PLPPR5: variants seen among roughly 807,000 people sequenced by gnomAD.
The protein encoded by PLPPR5 is phospholipid phosphatase-related protein type 5.
In PLPPR5, 16 loss-of-function variants were observed where a neutral mutation model predicts 33.9. The ratio of observed to expected loss-of-function variants is 0.47; its 90% CI spans 0.32 to 0.72. PLPPR5 has a LOEUF of 0.72. Ranked by LOEUF, PLPPR5 falls within the 30% of genes least tolerant of loss-of-function variation. PLPPR5 has a pLI of 0.03. For synonymous variants in PLPPR5, 163 were observed against 150.3 expected, an observed-to-expected ratio of 1.08 and a Z score of -0.62; for missense variants, 301 against 406.7, an observed-to-expected ratio of 0.74 and a Z score of 2.23.
chr1:98,962,504 C>T (rs1176125513), intron 1 of PLPPR5, among the ~76,000 whole-genome samples: 1 of 152,188 alleles, frequency 6.6e-6, no homozygotes, highest in East Asian at 1.9e-4. Flanking sequence ...ATCACTACCT[C>T]CATTTTAAAA....
At chr1:98,975,182 T>A (rs1651804049) in intron 1 of PLPPR5, among the ~76,000 whole-genome samples, 1 of 152,060 alleles carries the variant, frequency 6.6e-6, no homozygotes, top group South Asian at 2.1e-4. Flanking sequence ...ACTGCGTCCG[T>A]GCCTCAAATG....
intron 5 of PLPPR5, among the ~76,000 whole-genome samples, chr1:98,909,378 G>T (rs1251590179): frequency 2.0e-5 from 3 of 149,938 alleles, no homozygotes; most frequent in Non-Finnish European, 1.5e-5. Context: ...TACTACTAAA[G>T]AAAAATAGAT....
chr1:98,921,810 A>G, intron 4 of PLPPR5, 72 bp downstream of exon 4: 1 of 1,249,850 alleles, frequency 8.0e-7, no homozygotes, highest in Non-Finnish European at 1.1e-6. Context: ...AGTGATTCAC[A>G]CTTGTATTTT....
intron 1 of PLPPR5, among the ~76,000 whole-genome samples, chr1:98,967,464 A>T (rs990847694): frequency 2.6e-5 from 4 of 152,142 alleles, no homozygotes; most frequent in African/African-American, 9.7e-5. Context: ...TGAAGAAGGG[A>T]TGAGATTAGG....
At chr1:98,999,593 C>T (rs772170712) in intron 1 of PLPPR5, among the ~76,000 whole-genome samples, 2 of 152,204 alleles carry the variant, frequency 1.3e-5, no homozygotes, top group Non-Finnish European at 2.9e-5. Context: ...CATGTCTGTG[C>T]TTTTTCTCCT....
At chr1:98,947,518 T>TTATATTA (rs1319068162) in intron 3 of PLPPR5, among the ~76,000 whole-genome samples, 3 of 152,258 alleles carry the variant, frequency 2.0e-5, no homozygotes, top group Non-Finnish European at 4.4e-5. Context: ...AACAGCATTA[T>TTATATTA]TATATTTTAT....
At chr1:98,989,749 G>GT (rs1214311853) in intron 1 of PLPPR5, among the ~76,000 whole-genome samples, 2 of 152,132 alleles carry the variant, frequency 1.3e-5, no homozygotes, top group African/African-American at 4.8e-5. Flanking sequence ...TGATAAGGAA[G>GT]TCCACTCTGC....
intron 1 of PLPPR5, among the ~76,000 whole-genome samples, chr1:99,002,580 C>T (rs1040841820): frequency 6.6e-6 from 1 of 152,020 alleles, no homozygotes; most frequent in East Asian, 1.9e-4. Context: ...TATGACTATT[C>T]GGTACCCAAA....
intron 1 of PLPPR5, 123 bp from the exon 2 acceptor site, chr1:98,956,864 G>T: frequency 1.4e-6 from 1 of 719,084 alleles, no homozygotes; most frequent in Non-Finnish European, 2.1e-6. Context: ...GTAAAACAGA[G>T]CCATAATCGA....
At chr1:98,981,172 G>A (rs1652050898) in intron 1 of PLPPR5, among the ~76,000 whole-genome samples, 1 of 151,996 alleles carries the variant, frequency 6.6e-6, no homozygotes, top group Non-Finnish European at 1.5e-5. Flanking sequence ...TGCGAGAGAG[G>A]TAGATTTAGA....
At chr1:98,909,280 C>T (rs1649032649) in intron 5 of PLPPR5, among the ~76,000 whole-genome samples, 1 of 138,976 alleles carries the variant, frequency 7.2e-6, no homozygotes, top group South Asian at 2.5e-4. Context: ...CTTCCCCTCC[C>T]TTCCCCGCCT....
At chr1:98,908,505 G>A (rs1459186157) in intron 5 of PLPPR5, among the ~76,000 whole-genome samples, 1 of 152,110 alleles carries the variant, frequency 6.6e-6, no homozygotes, top group African/African-American at 2.4e-5. Flanking sequence ...TTGTGTCTTG[G>A]AGATATCCTG....
intron 5 of PLPPR5, among the ~76,000 whole-genome samples, chr1:98,906,183 GTA>G (rs58392273): frequency 0.011 from 1,617 of 147,710 alleles, 26 homozygotes; most frequent in African/African-American, 0.037. Context: ...TAGTGTGTGT[GTA>G]TATATATATA....
At chr1:98,918,142 C>A (rs1314746437) in intron 4 of PLPPR5, among the ~76,000 whole-genome samples, 1 of 152,100 alleles carries the variant, frequency 6.6e-6, no homozygotes, top group African/African-American at 2.4e-5. Flanking sequence ...TCTTTGTTGG[C>A]AAATGAAACA....
In PLPPR5 at chr1:98,956,618, G is replaced by A. The variant is rs1393776818; in HGVS notation, c.361C>T (p.Arg121Ter). ...TTTAATGAACACATACCAAGAAATCGGACAGTTCGGCGCACCAGCGGGTTT... is the reference window on the plus strand; with the variant it reads ...TTTAATGAACACATACCAAGAAATCAGACAGTTCGGCGCACCAGCGGGTTT... ...YINPLVRRTVRFLGIYTFGLF... is the reference protein window; with the variant it reads ...YINPLVRRTV Residue 121 changes from arginine (R) to a stop codon, truncating the protein, a stop_gained, in exon 2 of 6, where the codon CGA becomes TGA. Coordinates refer to ENST00000263177, the MANE Select transcript of PLPPR5 (RefSeq NM_001037317.2). LOFTEE classifies it high-confidence loss of function. 1.3e-6 allele frequency: 2 copies of A among 1,578,370 alleles called. No homozygotes were observed.
chr1:98,926,951 A>C (rs946587638), intron 3 of PLPPR5, among the ~76,000 whole-genome samples: 2 of 152,222 alleles, frequency 1.3e-5, no homozygotes, highest in African/African-American at 4.8e-5. Flanking sequence ...AAATTTGCCA[A>C]AGAGCAATGT....
chr1:98,892,898 C>T lies in PLPPR5; in HGVS notation c.*174G>A, dbSNP rs922034070. On this transcript the variant is annotated 3_prime_UTR_variant, in exon 6 of 6. Coordinates refer to ENST00000263177, the MANE Select transcript of PLPPR5 (RefSeq NM_001037317.2). ...AGAAAAAAAAAGACAATCCTGCCCTCGAGGAGCTCACAGTCTAGTGGGGGA... is the reference window on the plus strand; with the variant it reads ...AGAAAAAAAAAGACAATCCTGCCCTTGAGGAGCTCACAGTCTAGTGGGGGA... The T allele has an allele frequency of 3.2e-5, 20 of 630,244 alleles. No individual in the cohort carries two copies. The highest frequency in any genetic ancestry group is 2.5e-4 in the Admixed American group (7 of 28,346). The allele number at this position is 630,244 out of a possible 1,614,324, so 39.0% of individuals were successfully genotyped here. A position where few individuals can be genotyped will look rare whatever the true frequency, so the allele number is the denominator to read the frequency against.
At chr1:98,933,130 A>C (rs1447348093) in intron 3 of PLPPR5, among the ~76,000 whole-genome samples, 1 of 152,118 alleles carries the variant, frequency 6.6e-6, no homozygotes, top group African/African-American at 2.4e-5. Context: ...AGGTCAGATA[A>C]AGTTTTTCAT....
At chr1:98,898,653 A>C (rs1361519789) in intron 5 of PLPPR5, among the ~76,000 whole-genome samples, 3 of 152,162 alleles carry the variant, frequency 2.0e-5, no homozygotes, top group Non-Finnish European at 4.4e-5. Context: ...CTGATTCTAA[A>C]ATGTATGTTG....
Sources: gnomAD v4.1 joint callset for allele counts (sites outside exome capture counted in the v4.1 genomes callset) on GRCh38, gnomAD v4.1.1 for gene constraint, MANE v1.5 for transcripts, NCBI Gene and HGNC (gene_info 2026-07-23, HGNC 2026-07-21) for gene names.